ANO5: variants seen among roughly 807,000 people sequenced by gnomAD.
The protein encoded by ANO5 is anoctamin-5.
Under a neutral mutation model 121.0 loss-of-function variants are expected in ANO5, and 109 were observed. That is an observed-to-expected ratio of 0.90 (90% CI 0.77 to 1.06). The LOEUF (loss-of-function observed/expected upper bound fraction) is 1.06, where lower values mean the gene tolerates loss of function less well. ANO5 is among the 50% of genes least tolerant of loss of function. The pLI, the probability that ANO5 is intolerant of heterozygous loss-of-function variation, is 0.00. For missense variants in ANO5, 1,064 were observed against 1,078.5 expected, an observed-to-expected ratio of 0.99 and a Z score of 0.19; for synonymous variants, 406 against 359.9, an observed-to-expected ratio of 1.13 and a Z score of -1.45.
chr11:22,226,713 G>GA (rs1852846004), intron 6 of ANO5, among the ~76,000 whole-genome samples: 1 of 151,970 alleles, frequency 6.6e-6, no homozygotes. Flanking sequence ...CTGTCTTAAA[G>GA]AAAAAGAAAA....
chr11:22,207,394 A>C (rs950216093), intron 2 of ANO5, among the ~76,000 whole-genome samples: 2 of 152,176 alleles, frequency 1.3e-5, no homozygotes, highest in Non-Finnish European at 2.9e-5. Context: ...AGCCTCACAC[A>C]AGTACAGCCA....
intron 1 of ANO5, among the ~76,000 whole-genome samples, chr11:22,198,447 T>A (rs1317053966): frequency 3.9e-5 from 6 of 152,210 alleles, no homozygotes; most frequent in Non-Finnish European, 2.9e-5. Context: ...GGAGAGCTAG[T>A]AATAATAGGA....
Position 22,218,340 on chromosome 11 carries a change from G to A in ANO5, c.180+53G>A, listed in dbSNP as rs1852533020. 5.6e-6 allele frequency: 9 copies of A among 1,601,698 alleles called. 1 individual carries two copies. In the South Asian group the frequency reaches 8.8e-5, roughly 16 times the overall value. ...TATGCTCTGAATGGCTGCAGTGGTA[G>A]CCTTAGTTATTTTTCTTCTAATGAA... On this transcript the variant is annotated intron_variant, in intron 4 of 21. Coordinates refer to ENST00000324559, the MANE Select transcript of ANO5 (RefSeq NM_213599.3).
intron 12 of ANO5, among the ~76,000 whole-genome samples, chr11:22,252,847 G>C (rs1397236257): frequency 6.6e-6 from 1 of 151,904 alleles, no homozygotes; most frequent in Non-Finnish European, 1.5e-5. Context: ...AGTTTTTAAA[G>C]TTTCTACCCT....
intron 1 of ANO5, among the ~76,000 whole-genome samples, chr11:22,196,491 T>C (rs1851814164): frequency 7.8e-6 from 1 of 127,554 alleles, no homozygotes; most frequent in Non-Finnish European, 1.7e-5. Flanking sequence ...AAAAGTTCAT[T>C]GTTATGAGAG....
At position 22,195,592 on chromosome 11, in the gene ANO5, C is replaced by T. The variant is rs150909061; in HGVS notation, c.40+2060C>T. Among the ~76,000 whole-genome samples the T allele has an allele frequency of 3.9e-3, 588 of 152,090 alleles. 40 individuals are homozygous for T. The South Asian group carries it at 0.095, about 25-fold the overall frequency. On this transcript the variant is annotated intron_variant, in intron 1 of 21. Coordinates refer to ENST00000324559, the MANE Select transcript of ANO5 (RefSeq NM_213599.3). The stretch of plus-strand genomic sequence containing the variant: ...TATGGGTGCTGCACCACGACCTCCC[C>T]AGCTAATTATTATTTTTTTTATGAA...
rs1204299876 is a variant in ANO5 at position 22,281,548 on chromosome 11, G to A, written c.*1783G>A. The A allele has an allele frequency of 6.6e-6, 1 of 152,034 alleles. No homozygotes were observed. Among genetic ancestry groups the A allele is most frequent in the Non-Finnish European group, 1.5e-5 (1 of 67,938 alleles). 9.4% of individuals were successfully genotyped at this position (152,034 alleles called of 1,614,324 possible). ...AAAAACAAGTCAGGCTTACCATGAT[G>A]TGTGCAACCAATGTAGGATCTTTGG... On this transcript the variant is annotated 3_prime_UTR_variant, in exon 22 of 22. Transcript: ENST00000324559.
At chr11:22,276,832 A>C (rs2133802537) in intron 21 of ANO5, among the ~76,000 whole-genome samples, 1 of 151,710 alleles carries the variant, frequency 6.6e-6, no homozygotes, top group African/African-American at 2.4e-5. Context: ...AGGGAGAGAA[A>C]ATAAAAGAAA....
intron 17 of ANO5, among the ~76,000 whole-genome samples, chr11:22,269,155 A>G (rs914009590): frequency 1.4e-5 from 2 of 141,778 alleles, no homozygotes; most frequent in Non-Finnish European, 3.0e-5. Flanking sequence ...AAGGAAAGGA[A>G]AGGGAAGGGA....
At chr11:22,192,858 G>C (rs957217341), upstream of ANO5, 1 of 522,864 alleles carries the variant, frequency 1.9e-6, no homozygotes, top group Non-Finnish European at 2.5e-6. Flanking sequence ...GAGGAGGGAC[G>C]GGAGGCTGCA....
intron 15 of ANO5, among the ~76,000 whole-genome samples, chr11:22,260,847 T>C (rs1854165053): frequency 6.6e-6 from 1 of 152,220 alleles, no homozygotes; most frequent in African/African-American, 2.4e-5. Flanking sequence ...TGATCCTCTA[T>C]TGCAGGGTGA....
intron 3 of ANO5, among the ~76,000 whole-genome samples, chr11:22,213,855 T>C (rs983621001): frequency 1.9e-4 from 29 of 151,930 alleles, no homozygotes; most frequent in African/African-American, 6.5e-4. Context: ...CTTGCTCAAA[T>C]TGTTCTAGCT....
intron 5 of ANO5, 83 bp downstream of exon 5, chr11:22,221,293 T>G (rs2133589359): frequency 8.2e-7 from 1 of 1,219,398 alleles, no homozygotes; most frequent in South Asian, 1.3e-5. Context: ...TGAATTATGT[T>G]GTAAAAGTGA....
chr11:22,263,110 T>C (rs767334279), intron 17 of ANO5, 67 bp downstream of exon 17: 27 of 1,355,804 alleles, frequency 2.0e-5, no homozygotes, highest in Admixed American at 6.8e-5. Flanking sequence ...TAGAAGAAGA[T>C]GGAATTTTTT....
At chr11:22,218,390 C>A in intron 4 of ANO5, 103 bp downstream of exon 4, 1 of 1,440,688 alleles carries the variant, frequency 6.9e-7, no homozygotes, top group South Asian at 1.2e-5. Flanking sequence ...GGAACATTGT[C>A]ACTAATTCCT....
intron 20 of ANO5, 32 bp downstream of exon 20, chr11:22,274,779 G>A: frequency 6.2e-7 from 1 of 1,607,862 alleles, no homozygotes; most frequent in Non-Finnish European, 8.5e-7. Flanking sequence ...TTAGGTTTTA[G>A]TTTTATCCCT....
At position 22,265,224 on chromosome 11, in the gene ANO5, G is replaced by A. The variant is rs564410728; in HGVS notation, c.1898+2181G>A. 8.7e-5 allele frequency among the ~76,000 whole-genome samples: 13 copies of A among 150,192 alleles called. No individual in the cohort carries two copies. The South Asian group carries it at 1.1e-3, about 12-fold the overall frequency. On this transcript the variant is annotated intron_variant, in intron 17 of 21. Transcript: ENST00000324559. The stretch of plus-strand genomic sequence containing the variant: ...ATCTTTAAAAATCTTAGATGAAAAA[G>A]ATTAACTTTATTCAAATGAATGACA...
In ANO5 at chr11:22,279,852, A is replaced by C; in HGVS notation, c.*87A>C. The C allele has an allele frequency of 8.9e-7, 1 of 1,127,352 alleles. No homozygotes were observed. Among genetic ancestry groups the C allele is most frequent in the Admixed American group, 2.7e-5 (1 of 36,368 alleles). The allele number at this position is 1,127,352 out of a possible 1,614,324, so 69.8% of individuals were successfully genotyped here. Reference sequence around the variant, plus strand: ...GCCAGACGCCAGAAGCCATGTGTCAATTTTACCCTTTCTTTTTTTTTTTTT... The same window carrying C: ...GCCAGACGCCAGAAGCCATGTGTCACTTTTACCCTTTCTTTTTTTTTTTTT... On this transcript the variant is annotated 3_prime_UTR_variant, in exon 22 of 22. Coordinates refer to ENST00000324559, the MANE Select transcript of ANO5 (RefSeq NM_213599.3).
intron 17 of ANO5, among the ~76,000 whole-genome samples, chr11:22,264,016 A>G (rs1265583375): frequency 7.7e-6 from 1 of 129,656 alleles, no homozygotes; most frequent in Non-Finnish European, 1.6e-5. Flanking sequence ...TAAGGGAAAT[A>G]GCCAAACCTT....
Sources: allele counts gnomAD v4.1 joint callset (sites outside exome capture counted in the v4.1 genomes callset), GRCh38; gene constraint gnomAD v4.1.1; transcripts MANE v1.5; gene names NCBI Gene and HGNC (gene_info 2026-07-23, HGNC 2026-07-21).